RBM33: variants seen among roughly 807,000 people sequenced by gnomAD.
RBM33 encodes the protein RNA binding motif protein 33.
Under a neutral mutation model 132.6 loss-of-function variants are expected in RBM33, and 28 were observed. That is an observed-to-expected ratio of 0.21 (90% confidence interval 0.16 to 0.29). The LOEUF is 0.29. Ranked by LOEUF, RBM33 falls within the 10% of genes least tolerant of loss-of-function variation. The probability of loss-of-function intolerance (pLI) is 1.00; values close to 1 mark genes in which losing one functional copy is unlikely to be tolerated. For synonymous variants in RBM33, 634 were observed against 593.0 expected, an observed-to-expected ratio of 1.07 and a Z score of -1.01; for missense variants, 1,291 against 1,518.5, an observed-to-expected ratio of 0.85 and a Z score of 2.49.
chr7:155,668,038 G>A (rs879156049), intron 2 of RBM33, among the ~76,000 whole-genome samples: 16 of 152,028 alleles, frequency 1.1e-4, no homozygotes, highest in Admixed American at 6.5e-4. Flanking sequence ...TTAAAATATA[G>A]CCACAATAGT....
chr7:155,744,747 G>GAT (rs1801456554), intron 13 of RBM33, among the ~76,000 whole-genome samples: 1 of 151,886 alleles, frequency 6.6e-6, no homozygotes, highest in Non-Finnish European at 1.5e-5. Context: ...TTAATATTCT[G>GAT]ATAAGATTTT....
chr7:155,769,895 A>G (rs1563184446), intron 16 of RBM33, among the ~76,000 whole-genome samples: 1 of 152,168 alleles, frequency 6.6e-6, no homozygotes, highest in Admixed American at 6.5e-5. Flanking sequence ...CGGAAAAGCT[A>G]GTTAACTGGA....
chr7:155,723,085 C>T (rs1262734713), intron 9 of RBM33, among the ~76,000 whole-genome samples: 1 of 152,182 alleles, frequency 6.6e-6, no homozygotes, highest in African/African-American at 2.4e-5. Flanking sequence ...CATCACACAT[C>T]TTATAGTTTG....
At chr7:155,718,123 A>G (rs747857903) in intron 8 of RBM33, among the ~76,000 whole-genome samples, 31 of 152,174 alleles carry the variant, frequency 2.0e-4, no homozygotes, top group Non-Finnish European at 3.5e-4. Flanking sequence ...TTTGTTGCAA[A>G]ATATTTTAAT....
chr7:155,662,183 G>A (rs1033638914), intron 1 of RBM33, among the ~76,000 whole-genome samples: 1 of 152,080 alleles, frequency 6.6e-6, no homozygotes, highest in African/African-American at 2.4e-5. Flanking sequence ...GTCTCTCTCT[G>A]AGCACACCTT....
intron 9 of RBM33, among the ~76,000 whole-genome samples, chr7:155,733,994 A>G (rs536194644): frequency 4.7e-4 from 71 of 152,306 alleles, no homozygotes; most frequent in African/African-American, 1.6e-3. Flanking sequence ...AGACAGGCCC[A>G]CACCTCATGC....
chr7:155,737,533 C>G lies in RBM33; in HGVS notation c.1264C>G (p.Pro422Ala). 6.3e-7 allele frequency: 1 copy of G among 1,594,966 alleles called. No homozygotes were observed. The highest frequency in any genetic ancestry group is 1.1e-5 in the South Asian group (1 of 87,250). The change falls in exon 10 of 18, where the codon CCT (proline) becomes GCT (alanine). Residue 422 changes from proline (P) to alanine (A), a missense_variant. Coordinates refer to ENST00000401878, the MANE Select transcript of RBM33 (RefSeq NM_053043.3). The stretch of plus-strand genomic sequence containing the variant: ...TGTTGTTGTTGTTGTTCTTTAGGGC[C>G]CTCCAGAATTTCCACAGCATACACC... ...PAVGPQRFPG[P>A]PEFPQHTPGP...
At chr7:155,762,590 A>T (rs1370079765) in intron 14 of RBM33, among the ~76,000 whole-genome samples, 1 of 152,184 alleles carries the variant, frequency 6.6e-6, no homozygotes, top group Admixed American at 6.5e-5. Context: ...TTCTTTGTAC[A>T]GTCTTAGCAG....
intron 14 of RBM33, among the ~76,000 whole-genome samples, chr7:155,753,100 A>AGTG (rs1186818316): frequency 6.6e-6 from 1 of 152,224 alleles, no homozygotes; most frequent in African/African-American, 2.4e-5. Flanking sequence ...AGGAATTAGC[A>AGTG]GTGTTCTTAC....
chr7:155,695,526 C>G (rs1229413623), intron 5 of RBM33, among the ~76,000 whole-genome samples: 1 of 152,134 alleles, frequency 6.6e-6, no homozygotes, highest in African/African-American at 2.4e-5. Context: ...GTGGCATGAT[C>G]TCGGCTCACT....
chr7:155,751,906 C>T (rs548982178), intron 14 of RBM33, among the ~76,000 whole-genome samples: 1 of 152,292 alleles, frequency 6.6e-6, no homozygotes, highest in African/African-American at 2.4e-5. Context: ...TGCCAACACT[C>T]CTGTATTTGT....
chr7:155,779,622 T>C lies in RBM33; in HGVS notation c.*4581T>C, dbSNP rs567316497. 1.3e-5 allele frequency: 2 copies of C among 152,326 alleles called. No individual in the cohort carries two copies. Among genetic ancestry groups the C allele is most frequent in the East Asian group, 3.9e-4 (2 of 5,184 alleles). The allele number at this position is 152,326 out of a possible 1,614,324, so 9.4% of individuals were successfully genotyped here. On this transcript the variant is annotated 3_prime_UTR_variant, in exon 18 of 18. Transcript: ENST00000401878. ...ACTTCTGAGGTGCATAAGCCCGTGG[T>C]TTGTGTACTGGAACTAAAGCGGAAC...
intron 8 of RBM33, among the ~76,000 whole-genome samples, chr7:155,713,881 G>A (rs1268417804): frequency 6.6e-6 from 1 of 152,160 alleles, no homozygotes; most frequent in Non-Finnish European, 1.5e-5. Flanking sequence ...CCAGAGGTGG[G>A]CTTGCTGAGG....
intron 16 of RBM33, among the ~76,000 whole-genome samples, chr7:155,768,762 G>A (rs1003325724): frequency 3.3e-5 from 5 of 152,160 alleles, no homozygotes; most frequent in African/African-American, 7.2e-5. Flanking sequence ...GACTACAGAC[G>A]CGTGCCACGC....
intron 7 of RBM33, among the ~76,000 whole-genome samples, chr7:155,710,011 C>T (rs1299665142): frequency 6.6e-6 from 1 of 152,170 alleles, no homozygotes; most frequent in Non-Finnish European, 1.5e-5. Flanking sequence ...GGTCTCCTTC[C>T]GTCTTCTTTA....
At chr7:155,660,412 G>C (rs1274884063) in intron 1 of RBM33, among the ~76,000 whole-genome samples, 1 of 152,148 alleles carries the variant, frequency 6.6e-6, no homozygotes, top group Non-Finnish European at 1.5e-5. Context: ...CAGAAGGAGG[G>C]GTAAGACTTC....
intron 14 of RBM33, among the ~76,000 whole-genome samples, chr7:155,763,428 A>G (rs561524609): frequency 6.6e-6 from 1 of 152,366 alleles, no homozygotes; most frequent in Non-Finnish European, 1.5e-5. Context: ...GCTCATGCAA[A>G]CTGTACATTT....
Position 155,736,982 on chromosome 7 carries a change from A to G in RBM33, c.1261-548A>G, listed in dbSNP as rs1232097828. ...CTGTTGTGTAACAGTTTTTATGTTA[A>G]TATGTGTGGTCATGTCTTGTGTAAG... is the stretch of plus-strand genomic sequence containing the variant. On this transcript the variant is annotated intron_variant, in intron 9 of 17. Transcript: ENST00000401878. Among the ~76,000 whole-genome samples the G allele has an allele frequency of 7.2e-5, 11 of 152,278 alleles. 1 individual carries two copies. Among genetic ancestry groups the G allele is most frequent in the Admixed American group, 1.3e-4 (2 of 15,290 alleles).
chr7:155,661,673 G>T (rs1798654461), intron 1 of RBM33, among the ~76,000 whole-genome samples: 1 of 152,136 alleles, frequency 6.6e-6, no homozygotes, highest in Non-Finnish European at 1.5e-5. Context: ...CTCCCAAAGT[G>T]CTGGGATTAC....
Sources: allele counts gnomAD v4.1 joint callset (sites outside exome capture counted in the v4.1 genomes callset), GRCh38; gene constraint gnomAD v4.1.1; transcripts MANE v1.5; gene names NCBI Gene and HGNC (gene_info 2026-07-23, HGNC 2026-07-21).